GINS1: variants seen among roughly 807,000 people sequenced by gnomAD.
The protein encoded by GINS1 is DNA replication complex GINS protein PSF1.
Under a neutral mutation model 34.9 loss-of-function variants are expected in GINS1, and 26 were observed. The ratio of observed to expected loss-of-function variants is 0.74; its 90% CI spans 0.55 to 1.03. The LOEUF (loss-of-function observed/expected upper bound fraction) is 1.03. Ranked by LOEUF, GINS1 falls within the 50% of genes least tolerant of loss-of-function variation. The pLI, the probability that GINS1 is intolerant of heterozygous loss-of-function variation, is 0.00. For synonymous variants in GINS1, 97 were observed against 84.4 expected, an observed-to-expected ratio of 1.15 and a Z score of -0.82; for missense variants, 235 against 237.9, an observed-to-expected ratio of 0.99 and a Z score of 0.08.
At chr20:25,409,079 A>G (rs1205931663) in intron 1 of GINS1, 8 of 969,348 alleles carry the variant, frequency 8.3e-6, no homozygotes, top group Non-Finnish European at 9.8e-6. Context: ...GAAGGAAGCG[A>G]GGCATCCCAG....
At chr20:25,424,699 GT>G (rs1770095395) in intron 4 of GINS1, among the ~76,000 whole-genome samples, 1 of 152,084 alleles carries the variant, frequency 6.6e-6, no homozygotes, top group Admixed American at 6.5e-5. Flanking sequence ...CCTATTACAG[GT>G]TTTTCATATG....
At chr20:25,444,184 G>C (rs1362203134) in intron 6 of GINS1, among the ~76,000 whole-genome samples, 1 of 151,760 alleles carries the variant, frequency 6.6e-6, no homozygotes. Context: ...GCTAATTTTT[G>C]TATTTTTTTT....
In GINS1 at chr20:25,442,521, A is replaced by G. The variant is rs60758360; in HGVS notation, c.522+745A>G. Among the ~76,000 whole-genome samples the G allele has an allele frequency of 6.5e-3, 991 of 151,970 alleles. 15 individuals are homozygous for G. Among genetic ancestry groups the G allele is most frequent in the African/African-American group, 0.023 (949 of 41,448 alleles). On this transcript the variant is annotated intron_variant, in intron 6 of 6. Transcript: ENST00000262460. ...AGGTGTGAACCACCATGCCTTAAGT[A>G]ATCTCAGTATATTAATTATTTCCCT...
Position 25,429,345 on chromosome 20 carries a change from A to G in GINS1, c.447+4018A>G, listed in dbSNP as rs115323742. On this transcript the variant is annotated intron_variant, in intron 5 of 6. Transcript: ENST00000262460. ...TTTGAGATTTTATATGGATTGTGGG[A>G]TGGGTTTTTCTGTTTCTCCAAAAGA... 2.4e-3 allele frequency among the ~76,000 whole-genome samples: 372 copies of G among 152,068 alleles called. 1 individual carries two copies. Among genetic ancestry groups the G allele is most frequent in the African/African-American group, 8.7e-3 (360 of 41,458 alleles).
intron 5 of GINS1, among the ~76,000 whole-genome samples, chr20:25,439,574 T>TA (rs1270131395): frequency 6.6e-6 from 1 of 152,044 alleles, no homozygotes; most frequent in African/African-American, 2.4e-5. Flanking sequence ...AAAAGAGACT[T>TA]ACAAGACATT....
chr20:25,443,472 ATTTC>A (rs2090493690), intron 6 of GINS1, among the ~76,000 whole-genome samples: 1 of 127,992 alleles, frequency 7.8e-6, no homozygotes, highest in African/African-American at 2.9e-5. Flanking sequence ...CTGTGGTTGA[ATTTC>A]TTTTTTTTTT....
chr20:25,438,681 C>T (rs2090466976), intron 5 of GINS1, among the ~76,000 whole-genome samples: 1 of 151,988 alleles, frequency 6.6e-6, no homozygotes. Flanking sequence ...TCAAGCCATC[C>T]TCCCACCTCA....
intron 5 of GINS1, among the ~76,000 whole-genome samples, chr20:25,431,789 C>T (rs974784910): frequency 1.2e-4 from 19 of 152,014 alleles, no homozygotes; most frequent in Non-Finnish European, 2.5e-4. Flanking sequence ...CCAGGCTGGT[C>T]TTGAACTCCT....
chr20:25,416,801 T>C (rs1217172167), intron 2 of GINS1, among the ~76,000 whole-genome samples: 1 of 152,224 alleles, frequency 6.6e-6, no homozygotes, highest in East Asian at 1.9e-4. Context: ...AATGGAATCC[T>C]GAAAAGTGAA....
At chr20:25,440,810 CAAAAAAAAAAA>C (rs60014594) in intron 5 of GINS1, among the ~76,000 whole-genome samples, 19 of 69,102 alleles carry the variant, frequency 2.7e-4, no homozygotes, top group Admixed American at 5.3e-4. Context: ...GACTCTGTCT[CAAAAAAAAAAA>C]AAAAAAAAAA....
rs2090332970 is a variant in GINS1, at chr20:25,418,138, A to T, written c.273A>T (p.Arg91Ser). The T allele has an allele frequency of 6.2e-7, 1 of 1,605,396 alleles. No individual in the cohort carries two copies. The change falls in exon 4 of 7, where the codon AGA becomes AGT. Residue 91 changes from arginine to serine, a missense_variant. Physicochemically the swap from Arg to Ser is moderately radical, Grantham distance 110. Coordinates refer to ENST00000262460, the MANE Select transcript of GINS1 (RefSeq NM_021067.5). ...YDRLLRIRAL[R>S]WEYGSVLPNA... is the part of the protein sequence containing the mutation. The stretch of plus-strand genomic sequence containing the variant: ...GCTTGCTTCGGATCAGAGCACTCAG[A>T]TGGGAATATGGTAGCGTCTTGCCAA...
At chr20:25,430,378 G>GT (rs1315824441) in intron 5 of GINS1, among the ~76,000 whole-genome samples, 1 of 152,068 alleles carries the variant, frequency 6.6e-6, no homozygotes, top group Non-Finnish European at 1.5e-5. Context: ...AAATGATCAT[G>GT]TTTTTTTCCC....
chr20:25,428,240 C>T (rs1350502910), intron 5 of GINS1, among the ~76,000 whole-genome samples: 1 of 151,868 alleles, frequency 6.6e-6, no homozygotes, highest in African/African-American at 2.4e-5. Context: ...AATACAATGT[C>T]ATAAAACTTT....
rs1282326518 is a variant in GINS1, at chr20:25,441,796, T to G, written c.522+20T>G. On this transcript the variant is annotated intron_variant, in intron 6 of 6. Transcript: ENST00000262460. The stretch of plus-strand genomic sequence containing the variant: ...AGCCAGGTATTTCTTATCTTCAGAT[T>G]CTTTACTTTAAATCTTATGAGTGTT... 8.1e-7 allele frequency: 1 copy of G among 1,235,412 alleles called. No homozygotes were observed. Among genetic ancestry groups the G allele is most frequent in the South Asian group, 1.3e-5 (1 of 78,460 alleles). The allele number at this position is 1,235,412 out of a possible 1,614,324, so 76.5% of individuals were successfully genotyped here.
At position 25,441,683 on chromosome 20, in the gene GINS1, C is replaced by T. The variant is rs566209853; in HGVS notation, c.448-19C>T. On this transcript the variant is annotated intron_variant, in intron 5 of 6. Coordinates refer to ENST00000262460, the MANE Select transcript of GINS1 (RefSeq NM_021067.5). ...TTAAAAACTAATTTAGATAAAACAT[C>T]TCTCATTTTTTCTTTCAGGTCCGGT... 9.0e-5 allele frequency: 117 copies of T among 1,305,126 alleles called. 1 individual carries two copies. In the South Asian group the frequency reaches 1.3e-3, roughly 14 times the overall value. The allele number at this position is 1,305,126 out of a possible 1,614,324, so 80.8% of individuals were successfully genotyped here.
intron 5 of GINS1, among the ~76,000 whole-genome samples, chr20:25,438,159 C>T (rs1336052481): frequency 6.6e-6 from 1 of 151,160 alleles, no homozygotes; most frequent in Admixed American, 6.6e-5. Flanking sequence ...CTCTGCCTAC[C>T]GAAAAGGCCT....
chr20:25,415,569 C>A (rs901385345), intron 2 of GINS1, among the ~76,000 whole-genome samples: 12 of 151,880 alleles, frequency 7.9e-5, no homozygotes, highest in Non-Finnish European at 8.8e-5. Context: ...CCTGTAATCC[C>A]AGCTACTCCG....
Position 25,446,023 on chromosome 20 carries a change from A to G in GINS1, c.*32A>G, listed in dbSNP as rs764301935. The G allele has an allele frequency of 4.2e-5, 56 of 1,335,368 alleles. 2 individuals are homozygous for G. The East Asian group carries it at 5.5e-4, about 13-fold the overall frequency. The allele number at this position is 1,335,368 out of a possible 1,614,324, so 82.7% of individuals were successfully genotyped here. ...GCCGAGGCACTTCCAGGCTTCACTCAACTCATGGACTCCTCTGTACTCACT... is the reference window on the plus strand; with the variant it reads ...GCCGAGGCACTTCCAGGCTTCACTCGACTCATGGACTCCTCTGTACTCACT... On this transcript the variant is annotated 3_prime_UTR_variant, in exon 7 of 7. Transcript: ENST00000262460.
At chr20:25,431,575 C>CTTT (rs77211490) in intron 5 of GINS1, among the ~76,000 whole-genome samples, 4 of 132,176 alleles carry the variant, frequency 3.0e-5, no homozygotes, top group African/African-American at 1.1e-4. Context: ...TTTCTTTTTT[C>CTTT]TTTTTTTTTT....
Sources: allele counts gnomAD v4.1 joint callset (sites outside exome capture counted in the v4.1 genomes callset), GRCh38; gene constraint gnomAD v4.1.1; transcripts MANE v1.5; gene names NCBI Gene and HGNC (gene_info 2026-07-23, HGNC 2026-07-21).